L3MBTL3: variants seen among roughly 807,000 people sequenced by gnomAD.
The protein encoded by L3MBTL3 is lethal(3)malignant brain tumor-like protein 3.
A neutral mutation model predicts 102.3 loss-of-function variants in L3MBTL3; 27 were observed. That is an observed-to-expected ratio of 0.26 (90% confidence interval 0.19 to 0.36). L3MBTL3 has a LOEUF of 0.36. L3MBTL3 is among the 10% of genes least tolerant of loss of function. The pLI is 1.00. For synonymous variants in L3MBTL3, 340 were observed against 320.9 expected (o/e 1.06, Z -0.64); for missense variants, 798 against 955.3 (o/e 0.84, Z 2.17).
At chr6:130,034,062 A>G (rs1054806749) in intron 2 of L3MBTL3, among the ~76,000 whole-genome samples, 5 of 152,080 alleles carry the variant, frequency 3.3e-5, no homozygotes, top group Admixed American at 6.5e-5. Flanking sequence ...TCTTCCCTTC[A>G]TCTCAGCCCC....
Position 130,104,557 on chromosome 6 carries a change from C to G in L3MBTL3, c.1868C>G (p.Ser623Cys), listed in dbSNP as rs746571900. The change falls in exon 19 of 23, where the codon TCT becomes TGT. Residue 623 changes from serine (S) to cysteine (C), a missense_variant. Coordinates refer to ENST00000361794, the MANE Select transcript of L3MBTL3 (RefSeq NM_032438.4). The stretch of plus-strand genomic sequence containing the variant: ...AAAAGGACAGATGCAAATGAAAGCT[C>G]TTCTTCCCCTGAAATCAGGTAATCA... Reference protein sequence around the residue: ...RNKRTDANESSSSPEIRDQHA... With the variant: ...RNKRTDANESCSSPEIRDQHA... The G allele has an allele frequency of 1.9e-6, 3 of 1,574,630 alleles. No individual in the cohort carries two copies. In the South Asian group the frequency reaches 3.7e-5, roughly 19 times the overall value.
intron 22 of L3MBTL3, among the ~76,000 whole-genome samples, chr6:130,135,885 G>A (rs898211703): frequency 3.9e-5 from 6 of 152,126 alleles, no homozygotes; most frequent in African/African-American, 1.4e-4. Context: ...AAGGTCAGTG[G>A]GTTTGGGTTT....
intron 5 of L3MBTL3, among the ~76,000 whole-genome samples, chr6:130,050,150 AC>A (rs1781002089): frequency 6.6e-6 from 1 of 151,656 alleles, no homozygotes; most frequent in Non-Finnish European, 1.5e-5. Context: ...TTCTAATTTT[AC>A]CCCCTTCCAA....
chr6:130,108,692 T>G (rs1039550893), intron 19 of L3MBTL3, among the ~76,000 whole-genome samples: 1 of 152,130 alleles, frequency 6.6e-6, no homozygotes, highest in African/African-American at 2.4e-5. Context: ...ATTTATTTAT[T>G]TATTTTTATT....
intron 8 of L3MBTL3, among the ~76,000 whole-genome samples, chr6:130,056,698 C>T (rs11759018): frequency 0.57 from 85,673 of 151,366 alleles, 27,119 homozygotes; most frequent in East Asian, 0.76. Flanking sequence ...CCTTCTTTTT[C>T]ACCTCAGATG....
At chr6:130,040,331 CAA>C (rs200580576) in intron 2 of L3MBTL3, among the ~76,000 whole-genome samples, 32 of 100,430 alleles carry the variant, frequency 3.2e-4, no homozygotes, top group East Asian at 2.6e-4. Flanking sequence ...AACTCTGTCT[CAA>C]AAAAAAAAAA....
chr6:130,133,752 A>T lies in L3MBTL3; in HGVS notation c.2137-91A>T, dbSNP rs1787311639. The T allele has an allele frequency of 2.1e-6, 3 of 1,450,252 alleles. No individual in the cohort carries two copies. The South Asian group carries it at 3.5e-5, about 17-fold the overall frequency. The allele number at this position is 1,450,252 out of a possible 1,614,324, so 89.8% of individuals were successfully genotyped here. A position where few individuals can be genotyped will look rare whatever the true frequency, so the allele number is the denominator to read the frequency against. ...AGAAGAAATTATTGTGAGAGAAATA[A>T]CTAATGCATATGGGTTAAATGTTTT... is the stretch of plus-strand genomic sequence containing the variant. On this transcript the variant is annotated intron_variant, in intron 21 of 22. Transcript: ENST00000361794. This position sits in a 1 kb window ranked among gnomAD's most constrained non-coding sequence, Gnocchi z 4.9.
intron 22 of L3MBTL3, among the ~76,000 whole-genome samples, chr6:130,137,079 G>A (rs978232587): frequency 1.3e-5 from 2 of 152,238 alleles, no homozygotes; most frequent in African/African-American, 4.8e-5. Context: ...CCCAAGAAGA[G>A]TGTTTGGAAT....
intron 20 of L3MBTL3, among the ~76,000 whole-genome samples, chr6:130,126,826 G>A (rs548945379): frequency 6.6e-6 from 1 of 152,240 alleles, no homozygotes; most frequent in Non-Finnish European, 1.5e-5. Context: ...AGGAGAAAGA[G>A]GCATACAGAA....
intron 2 of L3MBTL3, among the ~76,000 whole-genome samples, chr6:130,028,569 C>G (rs1434897069): frequency 6.6e-6 from 1 of 152,112 alleles, no homozygotes; most frequent in Non-Finnish European, 1.5e-5. Context: ...AACTTAGGTC[C>G]TTAGGACAGA....
intron 16 of L3MBTL3, among the ~76,000 whole-genome samples, chr6:130,088,816 G>C (rs1019098058): frequency 6.6e-6 from 1 of 152,070 alleles, no homozygotes; most frequent in East Asian, 1.9e-4. Context: ...TTTTCTTCAT[G>C]TTGTGGTAAT....
chr6:130,059,966 G>A (rs1781781203), intron 9 of L3MBTL3, 70 bp from the exon 10 acceptor site: 1 of 751,266 alleles, frequency 1.3e-6, no homozygotes, highest in African/African-American at 1.8e-5. Flanking sequence ...TTTTTAAAAT[G>A]GTAACTATTT....
intron 22 of L3MBTL3, 136 bp from the exon 23 acceptor site, chr6:130,139,474 G>A (rs751396625): frequency 5.1e-4 from 379 of 741,668 alleles, no homozygotes; most frequent in Non-Finnish European, 6.7e-4. Context: ...ATCAAGAAAT[G>A]TCATTGCACA....
At chr6:130,057,555 GA>G in intron 9 of L3MBTL3, 58 bp downstream of exon 9, 3 of 1,290,802 alleles carry the variant, frequency 2.3e-6, no homozygotes, top group Non-Finnish European at 3.3e-6. Flanking sequence ...ATACCAGCCT[GA>G]ATTACGATTG....
chr6:130,114,211 C>A (rs768462167), intron 19 of L3MBTL3, among the ~76,000 whole-genome samples: 1 of 152,148 alleles, frequency 6.6e-6, no homozygotes, highest in Non-Finnish European at 1.5e-5. Flanking sequence ...TTAAAACACT[C>A]ACAGTTCTGA....
At chr6:130,094,770 G>T (rs1016684917) in intron 18 of L3MBTL3, among the ~76,000 whole-genome samples, 2 of 152,112 alleles carry the variant, frequency 1.3e-5, no homozygotes, top group Non-Finnish European at 2.9e-5. Flanking sequence ...TAGATTAACA[G>T]CAAAGATCAC....
rs1782393556 is a variant in L3MBTL3 at position 130,068,238 on chromosome 6, T to C, written c.1001-92T>C. On this transcript the variant is annotated intron_variant, in intron 11 of 22. Coordinates refer to ENST00000361794, the MANE Select transcript of L3MBTL3 (RefSeq NM_032438.4). ...TTTATTTAAAAAGTCATTTGATTGA[T>C]TTTGGCATGTTAGAGATAAAAGTGG... is the stretch of plus-strand genomic sequence containing the variant. 15 of 642,218 alleles carry C rather than the reference T, an allele frequency of 2.3e-5. No homozygotes were observed. The South Asian group carries it at 3.4e-4, about 14-fold the overall frequency. 39.8% of individuals were successfully genotyped at this position (642,218 alleles called of 1,614,324 possible). A position where few individuals can be genotyped will look rare whatever the true frequency, so the allele number is the denominator to read the frequency against.
chr6:130,125,318 T>C (rs903877228), intron 20 of L3MBTL3, among the ~76,000 whole-genome samples: 5 of 152,230 alleles, frequency 3.3e-5, no homozygotes, highest in Non-Finnish European at 5.9e-5. Flanking sequence ...GTGTCTCTTA[T>C]TTTCCTGTGA....
intron 22 of L3MBTL3, among the ~76,000 whole-genome samples, chr6:130,134,317 A>C (rs1320061697): frequency 6.6e-6 from 1 of 152,176 alleles, no homozygotes; most frequent in Non-Finnish European, 1.5e-5. Flanking sequence ...GATTGACTCC[A>C]TTTGAGGTTT....
Sources: gnomAD v4.1 joint callset for allele counts (sites outside exome capture counted in the v4.1 genomes callset) on GRCh38, gnomAD v4.1.1 for gene constraint, Gnocchi (gnomAD v3.1) non-coding constraint, MANE v1.5 for transcripts, NCBI Gene and HGNC (gene_info 2026-07-23, HGNC 2026-07-21) for gene names.